PDE11A: variants seen among roughly 807,000 people sequenced by gnomAD.
PDE11A encodes dual 3',5'-cyclic-AMP and -GMP phosphodiesterase 11A.
A neutral mutation model predicts 100.5 loss-of-function variants in PDE11A; 100 were observed. The ratio of observed to expected loss-of-function variants is 1.00; its 90% confidence interval spans 0.85 to 1.18. The LOEUF (loss-of-function observed/expected upper bound fraction) is 1.18. Among genes scored for constraint, PDE11A ranks in the 50% most tolerant of loss-of-function variants. PDE11A has a pLI of 0.00. For missense variants in PDE11A, 1,141 were observed against 1,152.6 expected, an observed-to-expected ratio of 0.99 and a Z score of 0.15; for synonymous variants, 381 against 420.8, an observed-to-expected ratio of 0.91 and a Z score of 1.16.
intron 2 of PDE11A, among the ~76,000 whole-genome samples, chr2:177,911,279 C>T (rs2084877804): frequency 6.6e-6 from 1 of 152,168 alleles, no homozygotes; most frequent in Non-Finnish European, 1.5e-5. Context: ...CGATGAAATA[C>T]TTTCAGAGCA....
intron 10 of PDE11A, among the ~76,000 whole-genome samples, chr2:177,762,138 G>C (rs77570566): frequency 1.3e-5 from 2 of 152,092 alleles, no homozygotes. Context: ...CAGAATGGAC[G>C]GGACTGCATG....
intron 1 of PDE11A, 92 bp from the exon 2 acceptor site, chr2:178,014,552 A>G: frequency 1.1e-6 from 1 of 930,452 alleles, no homozygotes; most frequent in Non-Finnish European, 1.7e-6. Context: ...ATACCTTATC[A>G]CTGGGAACTA....
At chr2:177,996,702 G>T (rs1410298045) in intron 2 of PDE11A, among the ~76,000 whole-genome samples, 1 of 152,074 alleles carries the variant, frequency 6.6e-6, no homozygotes, top group African/African-American at 2.4e-5. Flanking sequence ...CACTAGACAG[G>T]AATGTTGCAC....
intron 2 of PDE11A, among the ~76,000 whole-genome samples, chr2:177,983,439 TAAAAAGTGAGCC>T (rs1191160586): frequency 4.6e-5 from 7 of 152,082 alleles, no homozygotes; most frequent in Admixed American, 4.6e-4. Context: ...ACATCTACTC[TAAAAAGTGAGCC>T]AGTCCAAGTA....
At chr2:178,081,305 G>C (rs2087282539) in intron 2 of PDE11A, among the ~76,000 whole-genome samples, 1 of 151,922 alleles carries the variant, frequency 6.6e-6, no homozygotes, top group African/African-American at 2.4e-5. Context: ...TGAGACTCTT[G>C]TGTTTATAGG....
chr2:177,633,571 A>G (rs2079988776), intron 19 of PDE11A, among the ~76,000 whole-genome samples: 1 of 152,202 alleles, frequency 6.6e-6, no homozygotes, highest in African/African-American at 2.4e-5. Context: ...TTTTAAATCA[A>G]ATTTACTAGT....
intron 15 of PDE11A, among the ~76,000 whole-genome samples, chr2:177,693,794 C>T (rs543656451): frequency 3.3e-5 from 5 of 152,302 alleles, no homozygotes; most frequent in South Asian, 2.1e-4. Flanking sequence ...ACCTAAGCTA[C>T]GCTATTTAAC....
At chr2:178,107,015 A>C (rs1170432107) in intron 1 of PDE11A, among the ~76,000 whole-genome samples, 2 of 151,996 alleles carry the variant, frequency 1.3e-5, no homozygotes, top group Admixed American at 6.6e-5. Flanking sequence ...TACTAAGTAA[A>C]TGTTGCTAGT....
At chr2:177,994,486 A>C (rs942665330) in intron 2 of PDE11A, among the ~76,000 whole-genome samples, 3 of 152,190 alleles carry the variant, frequency 2.0e-5, no homozygotes, top group African/African-American at 7.2e-5. Context: ...TTTTTTTCCT[A>C]GGGATAATTG....
rs144181080 is a variant in PDE11A at position 177,970,698 on chromosome 2, C to T, written c.1071+43604G>A. On this transcript the variant is annotated intron_variant, in intron 2 of 19. Transcript: ENST00000286063. ...TAAAAGTGTTAGTTGAAATAATGTACGCTAATGAGACTCCCAAGAGATAGA... is the reference window on the plus strand; with the variant it reads ...TAAAAGTGTTAGTTGAAATAATGTATGCTAATGAGACTCCCAAGAGATAGA... Among the ~76,000 whole-genome samples, 1,035 of 152,160 alleles carry T rather than the reference C, an allele frequency of 6.8e-3. 10 individuals are homozygous for T. Among genetic ancestry groups the T allele is most frequent in the African/African-American group, 0.024 (988 of 41,506 alleles).
Position 177,817,857 on chromosome 2 carries a change from C to G in PDE11A, c.1644+1G>C, listed in dbSNP as rs758349448. On this transcript the variant is annotated splice_donor_variant, in intron 8 of 19. Coordinates refer to ENST00000286063, the MANE Select transcript of PDE11A (RefSeq NM_016953.4). LOFTEE classifies it high-confidence loss of function. ...CTTGGTTTATAAATTTATTTTCTTA[C>G]CTCAAAAAGTCGTTGATCTGCATCA... The G allele has an allele frequency of 2.1e-6, 3 of 1,439,104 alleles. No homozygotes were observed. Among genetic ancestry groups the G allele is most frequent in the Non-Finnish European group, 2.9e-6 (3 of 1,022,726 alleles). The allele number at this position is 1,439,104 out of a possible 1,614,324, so 89.1% of individuals were successfully genotyped here.
chr2:177,945,523 A>C (rs2085402706), intron 2 of PDE11A, among the ~76,000 whole-genome samples: 1 of 146,330 alleles, frequency 6.8e-6, no homozygotes, highest in African/African-American at 2.5e-5. Context: ...CCCGTCTGGG[A>C]GGTGAGGAGG....
chr2:177,885,842 T>A (rs2084422025), intron 4 of PDE11A, among the ~76,000 whole-genome samples: 1 of 152,150 alleles, frequency 6.6e-6, no homozygotes, highest in Non-Finnish European at 1.5e-5. Flanking sequence ...AAGGAGGATA[T>A]AAGAAAACAA....
chr2:177,860,603 C>T (rs57528163), intron 5 of PDE11A, among the ~76,000 whole-genome samples: 1 of 151,696 alleles, frequency 6.6e-6, no homozygotes, highest in African/African-American at 2.4e-5. Flanking sequence ...CCAGCTCATT[C>T]TATGAGGGTA....
intron 15 of PDE11A, among the ~76,000 whole-genome samples, chr2:177,694,851 A>G (rs950702022): frequency 1.3e-5 from 2 of 152,086 alleles, no homozygotes; most frequent in African/African-American, 2.4e-5. Flanking sequence ...AATTTTTGAA[A>G]GTGCCTTCTT....
intron 2 of PDE11A, chr2:177,998,344 C>T (rs906973595): frequency 3.3e-5 from 27 of 808,850 alleles, no homozygotes; most frequent in Middle Eastern, 3.3e-4. Flanking sequence ...ATGTCCTCTC[C>T]TTGAAGTATT....
chr2:177,686,440 G>A (rs1393045123), intron 15 of PDE11A, among the ~76,000 whole-genome samples: 1 of 152,108 alleles, frequency 6.6e-6, no homozygotes, highest in Non-Finnish European at 1.5e-5. Flanking sequence ...GGAGGCACAC[G>A]CCTGTAGTCC....
intron 3 of PDE11A, among the ~76,000 whole-genome samples, chr2:177,901,250 C>A (rs1045560375): frequency 2.0e-5 from 3 of 152,072 alleles, no homozygotes; most frequent in South Asian, 4.2e-4. Context: ...TCTTGTGACC[C>A]CCCCCATCCA....
chr2:177,634,124 A>T (rs1245836198), intron 19 of PDE11A, among the ~76,000 whole-genome samples: 1 of 152,164 alleles, frequency 6.6e-6, no homozygotes, highest in Non-Finnish European at 1.5e-5. Context: ...TTATTCCTTA[A>T]GCCATTTAAG....
Sources: gnomAD v4.1 joint callset for allele counts (sites outside exome capture counted in the v4.1 genomes callset) on GRCh38, gnomAD v4.1.1 for gene constraint, MANE v1.5 for transcripts, NCBI Gene and HGNC (gene_info 2026-07-23, HGNC 2026-07-21) for gene names.